Variants in CRNKL1 observed in about 807,000 individuals in gnomAD.
CRNKL1 encodes crooked neck-like protein 1.
Under a neutral mutation model 103.7 loss-of-function variants are expected in CRNKL1, and 35 were observed. That is an observed-to-expected ratio of 0.34 (90% CI 0.26 to 0.45). CRNKL1 has a LOEUF of 0.45. Among genes scored for constraint, CRNKL1 ranks in the 20% least tolerant of loss-of-function variants. The pLI is 1.00. For missense variants in CRNKL1, 645 were observed against 836.0 expected, an observed-to-expected ratio of 0.77 and a Z score of 2.82; for synonymous variants, 267 against 282.6, an observed-to-expected ratio of 0.94 and a Z score of 0.55.
In CRNKL1 at chr20:20,036,212, C is replaced by T. The variant is rs148992156; in HGVS notation, c.2047G>A (p.Asp683Asn). 869 of 1,613,920 alleles carry T rather than the reference C, an allele frequency of 5.4e-4. No individual in the cohort carries two copies. The highest frequency in any genetic ancestry group is 7.0e-4 in the Non-Finnish European group (826 of 1,179,990). The change falls in exon 14 of 14, where the codon GAT becomes AAT. Residue 683 changes from aspartate (D) to asparagine (N), a missense_variant. Transcript: ENST00000536226. Reference protein sequence around the residue: ...DAEHHPDEDVDESES With the variant: ...DAEHHPDEDVNESES Reference sequence around the variant, plus strand: ...AAAAAAGATCAGGATTCACTCTCATCGACGTCCTCATCTGGATGGTGCTCA... The same window carrying T: ...AAAAAAGATCAGGATTCACTCTCATTGACGTCCTCATCTGGATGGTGCTCA...
In CRNKL1 at chr20:20,034,805, A is replaced by ATTTT. The variant is rs777008740; in HGVS notation, c.*1386_*1389dup. 1.3e-5 allele frequency: 2 copies of ATTTT among 152,208 alleles called. No homozygotes were observed. The highest frequency in any genetic ancestry group is 2.9e-5 in the Non-Finnish European group (2 of 68,026). The allele number at this position is 152,208 out of a possible 1,614,324, so 9.4% of individuals were successfully genotyped here. ...CTTCTGTCCTCAAACACTGTTATTT[A>ATTTT]TTTTCAAGATAAAATTTAGTAACAA... On this transcript the variant is annotated 3_prime_UTR_variant, in exon 14 of 14. Coordinates refer to ENST00000536226, the MANE Select transcript of CRNKL1 (RefSeq NM_001278628.2).
At chr20:20,040,629 AT>A in intron 10 of CRNKL1, 56 bp downstream of exon 10, 1 of 1,337,750 alleles carries the variant, frequency 7.5e-7, no homozygotes, top group South Asian at 1.2e-5. Context: ...AAGCACCAAG[AT>A]TTTAATTTCT....
At position 20,047,979 on chromosome 20, in the gene CRNKL1, T is replaced by C. The variant is rs771995887; in HGVS notation, c.456-48A>G. 7.7e-6 allele frequency: 12 copies of C among 1,562,694 alleles called. No individual in the cohort carries two copies. In the East Asian group the frequency reaches 1.1e-4, roughly 15 times the overall value. ...TATCTGCTGTGGTTTAGTTCTTCCA[T>C]TGTTGAATGGGAAGAAGATTGAAGA... is the stretch of plus-strand genomic sequence containing the variant. On this transcript the variant is annotated intron_variant, in intron 4 of 13. Coordinates refer to ENST00000536226, the MANE Select transcript of CRNKL1 (RefSeq NM_001278628.2).
At chr20:20,046,818 T>C (rs780952226) in intron 5 of CRNKL1, among the ~76,000 whole-genome samples, 1 of 152,234 alleles carries the variant, frequency 6.6e-6, no homozygotes, top group Non-Finnish European at 1.5e-5. Context: ...AGCCTCACCT[T>C]GTTGGACTTC....
intron 3 of CRNKL1, among the ~76,000 whole-genome samples, chr20:20,049,077 T>C (rs895945235): frequency 2.0e-5 from 3 of 152,100 alleles, no homozygotes; most frequent in Non-Finnish European, 2.9e-5. Context: ...TCTCAATATA[T>C]ACAAAGCAAA....
chr20:20,041,788 C>T (rs914791564), intron 8 of CRNKL1, among the ~76,000 whole-genome samples, 163 bp from the exon 9 acceptor site: 4 of 152,184 alleles, frequency 2.6e-5, no homozygotes, highest in Non-Finnish European at 5.9e-5. Context: ...AAAGTATGAA[C>T]GGCCATGAAA....
At position 20,037,419 on chromosome 20, in the gene CRNKL1, A is replaced by G. The variant is rs1462867747; in HGVS notation, c.1800T>C (p.Phe600=). The change falls in exon 13 of 14, where the codon TTT becomes TTC. Residue 600 remains phenylalanine (F), a synonymous_variant. Coordinates refer to ENST00000536226, the MANE Select transcript of CRNKL1 (RefSeq NM_001278628.2). ...CTGAAGCTGTTCCAAATTCTTCTTC[A>G]AAACTTCGCCAAGATTCCAGCAGCA... ...RLMLLESWRS[F]EEEFGTASDK... is the part of the protein sequence containing the mutation. 2 of 1,614,034 alleles carry G rather than the reference A, an allele frequency of 1.2e-6. No individual in the cohort carries two copies. The highest frequency in any genetic ancestry group is 1.7e-5 in the Admixed American group (1 of 59,998).
At chr20:20,040,330 C>CAAAAAAAAAAA (rs781058387) in intron 10 of CRNKL1, among the ~76,000 whole-genome samples, 1 of 79,292 alleles carries the variant, frequency 1.3e-5, no homozygotes, top group Admixed American at 1.3e-4. Flanking sequence ...ACCAAACAAA[C>CAAAAAAAAAAA]AAAAAAAAAA....
intron 3 of CRNKL1, among the ~76,000 whole-genome samples, chr20:20,048,849 A>G (rs1364354813): frequency 1.3e-5 from 2 of 152,092 alleles, no homozygotes; most frequent in African/African-American, 4.8e-5. Flanking sequence ...TTTGGTGAGG[A>G]GGGGGTGCTC....
At chr20:20,039,363 A>T (rs1270974336) in intron 11 of CRNKL1, among the ~76,000 whole-genome samples, 1 of 151,038 alleles carries the variant, frequency 6.6e-6, no homozygotes, top group Non-Finnish European at 1.5e-5. Context: ...GGCGTCACCC[A>T]CCCCCATGAT....
chr20:20,052,731 G>C (rs1229543825), upstream of CRNKL1: 1 of 1,594,240 alleles, frequency 6.3e-7, no homozygotes, highest in Non-Finnish European at 8.6e-7. Flanking sequence ...CCCTGCAAGG[G>C]AGTAAGAACG....
In CRNKL1 at chr20:20,052,450, G is replaced by T. The variant is rs867662867; in HGVS notation, c.-108C>A. On this transcript the variant is annotated 5_prime_UTR_variant, in exon 1 of 14. Transcript: ENST00000536226. ...CTTTCAGAAAACAAACAGGATCTCG[G>T]AACCGGAAGCGGAACTTGCAGGACT... 1 of 1,614,126 alleles carries T rather than the reference G, an allele frequency of 6.2e-7. No homozygotes were observed. Among genetic ancestry groups the T allele is most frequent in the Admixed American group, 1.7e-5 (1 of 60,014 alleles).
intron 2 of CRNKL1, 105 bp from the exon 3 acceptor site, chr20:20,049,536 A>G (rs2146503401): frequency 1.6e-6 from 1 of 623,822 alleles, no homozygotes; most frequent in East Asian, 2.8e-5. Context: ...CATTTTGTTC[A>G]TATTTAAGAG....
Position 20,034,725 on chromosome 20 carries a change from G to GTGAC in CRNKL1, c.*1466_*1469dup. 6.6e-6 allele frequency: 1 copy of GTGAC among 152,340 alleles called. No homozygotes were observed. The highest frequency in any genetic ancestry group is 2.4e-5 in the African/African-American group (1 of 41,576). The allele number at this position is 152,340 out of a possible 1,614,324, so 9.4% of individuals were successfully genotyped here. On this transcript the variant is annotated 3_prime_UTR_variant, in exon 14 of 14. Coordinates refer to ENST00000536226, the MANE Select transcript of CRNKL1 (RefSeq NM_001278628.2). ...CACCGCAGTAGCTGATGCTCGTCCA[G>GTGAC]TGACTAAAGCAGTCAGGCTGAAAAC...
chr20:20,047,727 A>G (rs1308796638), intron 5 of CRNKL1, 38 bp downstream of exon 5: 6 of 1,592,474 alleles, frequency 3.8e-6, no homozygotes, highest in East Asian at 4.5e-5. Context: ...AGCATCCAGG[A>G]CAATCATGGC....
chr20:20,052,225 C>A, intron 1 of CRNKL1, 67 bp downstream of exon 1: 3 of 1,376,204 alleles, frequency 2.2e-6, no homozygotes, highest in Non-Finnish European at 3.0e-6. Context: ...CCAACCCGGG[C>A]ACCCTCAGGG....
chr20:20,052,547 C>G, upstream of CRNKL1: 1 of 1,614,174 alleles, frequency 6.2e-7, no homozygotes, highest in Non-Finnish European at 8.5e-7. Context: ...GCGCGTCCTC[C>G]TTGCGGCAGC....
chr20:20,043,276 T>G (rs978516728), intron 7 of CRNKL1, among the ~76,000 whole-genome samples: 1 of 152,212 alleles, frequency 6.6e-6, no homozygotes, highest in Non-Finnish European at 1.5e-5. Context: ...TTACAACATG[T>G]AAGTGGCAGA....
chr20:20,049,786 G>C (rs931163605), intron 2 of CRNKL1, among the ~76,000 whole-genome samples: 2 of 151,708 alleles, frequency 1.3e-5, no homozygotes, highest in Non-Finnish European at 2.9e-5. Flanking sequence ...TGGTCCTTTT[G>C]CAGACCTCAA....
Sources: allele counts gnomAD v4.1 joint callset (sites outside exome capture counted in the v4.1 genomes callset), GRCh38; gene constraint gnomAD v4.1.1; transcripts MANE v1.5; gene names NCBI Gene and HGNC (gene_info 2026-07-23, HGNC 2026-07-21).